Variants in HBS1L observed in about 807,000 individuals in gnomAD.
The protein encoded by HBS1L is HBS1-like protein.
HBS1L carries 55 observed loss-of-function variants against 88.9 expected under a neutral mutation model. That is an observed-to-expected ratio of 0.62 (90% CI 0.50 to 0.77). The LOEUF is 0.77. Ranked by LOEUF, HBS1L falls within the 30% of genes least tolerant of loss-of-function variation. The probability of loss-of-function intolerance (pLI) is 0.00; values close to 1 mark genes in which losing one functional copy is unlikely to be tolerated. For synonymous variants in HBS1L, 267 were observed against 288.5 expected (o/e 0.93, Z 0.76); for missense variants, 741 against 829.3 (o/e 0.89, Z 1.31).
chr6:135,029,215 A>T (rs1228717604), intron 4 of HBS1L, among the ~76,000 whole-genome samples: 1 of 152,136 alleles, frequency 6.6e-6, no homozygotes, highest in Non-Finnish European at 1.5e-5. Context: ...TTAAGAAAAA[A>T]AGCTAATAAA....
intron 7 of HBS1L, among the ~76,000 whole-genome samples, chr6:134,996,386 T>C (rs1249085643): frequency 6.6e-6 from 1 of 152,204 alleles, no homozygotes; most frequent in Non-Finnish European, 1.5e-5. Context: ...TTATGACAGT[T>C]ACCTTTCCTT....
chr6:135,053,069 G>T (rs1312341531), intron 1 of HBS1L, among the ~76,000 whole-genome samples: 1 of 152,194 alleles, frequency 6.6e-6, no homozygotes, highest in African/African-American at 2.4e-5. Context: ...GAACAGCTTG[G>T]TTATGATGTC....
At chr6:135,023,999 G>C (rs1423810403) in intron 4 of HBS1L, among the ~76,000 whole-genome samples, 1 of 151,832 alleles carries the variant, frequency 6.6e-6, no homozygotes, top group African/African-American at 2.4e-5. Flanking sequence ...AATTAATCCA[G>C]TGGTAGAAAA....
At chr6:134,989,808 G>A (rs1775081566) in intron 8 of HBS1L, among the ~76,000 whole-genome samples, 2 of 152,084 alleles carry the variant, frequency 1.3e-5, no homozygotes, top group Admixed American at 6.6e-5. Flanking sequence ...ATGAGATCCA[G>A]CTCTTTTGAT....
intron 14 of HBS1L, 125 bp from the exon 15 acceptor site, chr6:134,978,912 T>G: frequency 1.6e-6 from 1 of 644,928 alleles, no homozygotes; most frequent in South Asian, 2.0e-5. Context: ...TTTCTAAATA[T>G]TCTCTTCTGA....
Position 134,966,397 on chromosome 6 carries a change from A to G in HBS1L, c.1975T>C (p.Phe659Leu). 6.2e-7 allele frequency: 1 copy of G among 1,613,006 alleles called. No homozygotes were observed. Among genetic ancestry groups the G allele is most frequent in the Non-Finnish European group, 8.5e-7 (1 of 1,179,214 alleles). The change falls in exon 17 of 18, where the codon TTT (phenylalanine) becomes CTT (leucine). Residue 659 changes from phenylalanine (F) to leucine (L), a missense_variant. Around this residue, in one of 3 missense-constraint regions of HBS1L, gnomAD observed 181 missense variants for 212.7 expected, o/e 0.85. Transcript: ENST00000367837. ...RPIALELYKD[F>L]KELGRFMLRY... ...AGCATGAACCTCCCCAGCTCTTTAA[A>G]GTCTTTATATAGCTCAAGAGCTATT...
At chr6:134,966,283 G>T (rs752183340) in intron 17 of HBS1L, 46 bp downstream of exon 17, 16 of 1,488,850 alleles carry the variant, frequency 1.1e-5, no homozygotes, top group Middle Eastern at 1.8e-4. Flanking sequence ...AAAAGAAAAG[G>T]CATCATAACT....
At chr6:135,024,804 A>G (rs1233836998) in intron 4 of HBS1L, among the ~76,000 whole-genome samples, 1 of 152,168 alleles carries the variant, frequency 6.6e-6, no homozygotes, top group Non-Finnish European at 1.5e-5. Flanking sequence ...TATTACCAGA[A>G]GAGGCTAATT....
At position 135,054,778 on chromosome 6, in the gene HBS1L, G is replaced by C; in HGVS notation, c.-87C>G. The C allele has an allele frequency of 1.4e-5, 21 of 1,515,872 alleles. No homozygotes were observed. Among genetic ancestry groups the C allele is most frequent in the South Asian group, 9.2e-5 (8 of 86,548 alleles). The allele number at this position is 1,515,872 out of a possible 1,614,324, so 93.9% of individuals were successfully genotyped here. A position where few individuals can be genotyped will look rare whatever the true frequency, so the allele number is the denominator to read the frequency against. ...CTGATAAGGCGCCAACTGCAGCCTGGAGAACCCCTATGCGCCATCTTGGCT... is the reference window on the plus strand; with the variant it reads ...CTGATAAGGCGCCAACTGCAGCCTGCAGAACCCCTATGCGCCATCTTGGCT... On this transcript the variant is annotated 5_prime_UTR_variant, in exon 1 of 18. Transcript: ENST00000367837.
chr6:135,020,810 A>T (rs77284974), intron 4 of HBS1L, among the ~76,000 whole-genome samples: 2,504 of 152,028 alleles, frequency 0.016, 41 homozygotes, highest in Non-Finnish European at 0.022. Context: ...ACAGCTAGAC[A>T]ATGGAATACT....
Position 135,039,679 on chromosome 6 carries a change from GTTCTTCAGAACTGC to G in HBS1L, c.310_323del (p.Ala104GlnfsTer3). On this transcript the variant is annotated frameshift_variant, in exon 4 of 18. Coordinates refer to ENST00000367837, the MANE Select transcript of HBS1L (RefSeq NM_006620.4). LOFTEE classifies it high-confidence loss of function. ...ACAAAGCCTTCTGCACATCAAACTTGTTCTTCAGAACTGCTTCAATTAATATTTCATCTGGCACA... is the reference window on the plus strand; with the variant it reads ...ACAAAGCCTTCTGCACATCAAACTTGTTCAATTAATATTTCATCTGGCACA... 1 of 1,614,026 alleles carries G rather than the reference GTTCTTCAGAACTGC, an allele frequency of 6.2e-7. No individual in the cohort carries two copies. The highest frequency in any genetic ancestry group is 1.1e-5 in the South Asian group (1 of 91,080).
At chr6:135,028,833 G>C (rs1344239612) in intron 4 of HBS1L, among the ~76,000 whole-genome samples, 1 of 151,990 alleles carries the variant, frequency 6.6e-6, no homozygotes, top group African/African-American at 2.4e-5. Flanking sequence ...TCTCTTGCTA[G>C]CAGTAAATAC....
At chr6:134,992,195 A>C in intron 8 of HBS1L, among the ~76,000 whole-genome samples, 1 of 152,340 alleles carries the variant, frequency 6.6e-6, no homozygotes, top group Non-Finnish European at 1.5e-5. Flanking sequence ...ATTATGAAAG[A>C]AATCAATGTC....
At chr6:135,041,632 T>C (rs929823383) in intron 3 of HBS1L, among the ~76,000 whole-genome samples, 22 of 152,252 alleles carry the variant, frequency 1.4e-4, no homozygotes, top group African/African-American at 4.8e-4. Flanking sequence ...TTAACATCTT[T>C]GTAAGTAAAG....
At chr6:135,004,493 C>G (rs1164603137) in intron 4 of HBS1L, among the ~76,000 whole-genome samples, 2 of 138,792 alleles carry the variant, frequency 1.4e-5, no homozygotes, top group Non-Finnish European at 3.2e-5. Flanking sequence ...GGAGGAAGCA[C>G]AGTTCTTCAG....
At chr6:134,965,523 G>C (rs1469063130) in intron 17 of HBS1L, among the ~76,000 whole-genome samples, 2 of 152,284 alleles carry the variant, frequency 1.3e-5, no homozygotes, top group Admixed American at 1.3e-4. Context: ...TAGAAAGAAT[G>C]CCTTGATAGA....
chr6:134,992,171 T>G (rs148361478), intron 8 of HBS1L, among the ~76,000 whole-genome samples: 1 of 152,236 alleles, frequency 6.6e-6, no homozygotes, highest in African/African-American at 2.4e-5. Flanking sequence ...CTTCATGTTT[T>G]CCAGTAATCA....
Position 134,963,097 on chromosome 6 carries a change from A to T in HBS1L, c.*2182T>A, listed in dbSNP as rs1774222459. 1 of 152,196 alleles carries T rather than the reference A, an allele frequency of 6.6e-6. No homozygotes were observed. Among genetic ancestry groups the T allele is most frequent in the Non-Finnish European group, 1.5e-5 (1 of 68,038 alleles). The allele number at this position is 152,196 out of a possible 1,614,324, so 9.4% of individuals were successfully genotyped here. Reference sequence around the variant, plus strand: ...TAATTCGATCACAGTCTTATATAATATACAGAGTGGATGGTTTCTTGTTTT... The same window carrying T: ...TAATTCGATCACAGTCTTATATAATTTACAGAGTGGATGGTTTCTTGTTTT... On this transcript the variant is annotated 3_prime_UTR_variant, in exon 18 of 18. Transcript: ENST00000367837.
intron 5 of HBS1L, among the ~76,000 whole-genome samples, chr6:135,001,647 A>G (rs1775462432): frequency 6.6e-6 from 1 of 152,150 alleles, no homozygotes; most frequent in South Asian, 2.1e-4. Flanking sequence ...AATTATTTTA[A>G]CAGGCTAAAG....
Sources: gnomAD v4.1 joint callset for allele counts (sites outside exome capture counted in the v4.1 genomes callset) on GRCh38, gnomAD v4.1.1 for gene constraint, gnomAD v4.1.1 regional missense constraint, MANE v1.5 for transcripts, NCBI Gene and HGNC (gene_info 2026-07-23, HGNC 2026-07-21) for gene names.